Variants in PTPRC observed in about 807,000 individuals in gnomAD.
The protein encoded by PTPRC is receptor-type tyrosine-protein phosphatase C.
PTPRC carries 44 observed loss-of-function variants against 155.9 expected under a neutral mutation model. The ratio of observed to expected loss-of-function variants is 0.28; its 90% CI spans 0.22 to 0.36. The LOEUF (loss-of-function observed/expected upper bound fraction) is 0.36. Among genes scored for constraint, PTPRC ranks in the 10% least tolerant of loss-of-function variants. The pLI is 1.00. For missense variants in PTPRC, 1,401 were observed against 1,564.6 expected (o/e 0.90, Z 1.76); for synonymous variants, 525 against 533.1 (o/e 0.98, Z 0.21).
rs150704742 is a variant in PTPRC at position 198,718,254 on chromosome 1, C to T, written c.1611C>T (p.Cys537=). 5.2e-5 allele frequency: 84 copies of T among 1,613,932 alleles called. No individual in the cohort carries two copies. In the African/African-American group the frequency reaches 9.3e-4, roughly 18 times the overall value. Residue 537 remains cysteine, a synonymous_variant, in exon 14 of 33, where the codon TGC becomes TGT. Coordinates refer to ENST00000442510, the MANE Select transcript of PTPRC (RefSeq NM_002838.5). ...TLVRNESHKN[C]DFRVKDLQYS... ...TTAGAAATGAGTCGCATAAGAATTG[C>T]GATTTCCGTGTAAAAGATCTTCAAT...
In PTPRC at chr1:198,639,130, A is replaced by G; in HGVS notation, c.-51A>G. 1.4e-6 allele frequency: 1 copy of G among 734,860 alleles called. No individual in the cohort carries two copies. The highest frequency in any genetic ancestry group is 2.4e-6 in the Non-Finnish European group (1 of 409,332). The allele number at this position is 734,860 out of a possible 1,614,324, so 45.5% of individuals were successfully genotyped here. A position where few individuals can be genotyped will look rare whatever the true frequency, so the allele number is the denominator to read the frequency against. ...ATTGTTCCTCGTCTGATAAGACAAC[A>G]GTGGAGAGTATGCATTTATTTATTT... On this transcript the variant is annotated 5_prime_UTR_variant, in exon 1 of 33. Coordinates refer to ENST00000442510, the MANE Select transcript of PTPRC (RefSeq NM_002838.5).
chr1:198,714,474 G>C (rs1047708123), intron 12 of PTPRC, among the ~76,000 whole-genome samples: 6 of 152,092 alleles, frequency 3.9e-5, no homozygotes, highest in African/African-American at 1.4e-4. Flanking sequence ...AAATTTAACA[G>C]CTGTCCACAT....
rs568213546 is a variant in PTPRC at position 198,756,286 on chromosome 1, G to C, written c.*105G>C. On this transcript the variant is annotated 3_prime_UTR_variant, in exon 33 of 33. Transcript: ENST00000442510. Reference sequence around the variant, plus strand: ...GTATACAGTGGATTAATTAAATGCAGCGAACCAATATTTGTAGAAGGGTTA... The same window carrying C: ...GTATACAGTGGATTAATTAAATGCACCGAACCAATATTTGTAGAAGGGTTA... 13 of 1,391,350 alleles carry C rather than the reference G, an allele frequency of 9.3e-6. No individual in the cohort carries two copies. The Admixed American group carries it at 1.2e-4, about 13-fold the overall frequency. 86.2% of individuals were successfully genotyped at this position (1,391,350 alleles called of 1,614,324 possible).
intron 27 of PTPRC, among the ~76,000 whole-genome samples, chr1:198,748,409 T>C (rs909715574): frequency 4.0e-5 from 6 of 151,814 alleles, no homozygotes; most frequent in Non-Finnish European, 7.4e-5. Context: ...GAGGGTAGAC[T>C]GTATTCAGTG....
At chr1:198,729,701 C>G (rs1161810110) in intron 17 of PTPRC, among the ~76,000 whole-genome samples, 1 of 152,164 alleles carries the variant, frequency 6.6e-6, no homozygotes, top group Non-Finnish European at 1.5e-5. Context: ...GTGACAGGCA[C>G]AGACTCTGCC....
intron 23 of PTPRC, among the ~76,000 whole-genome samples, chr1:198,741,558 C>T (rs1654901612): frequency 6.6e-6 from 1 of 151,738 alleles, no homozygotes; most frequent in African/African-American, 2.4e-5. Context: ...TGCTTGACAG[C>T]ATGCAAGTTC....
intron 2 of PTPRC, among the ~76,000 whole-genome samples, chr1:198,654,380 T>C (rs528858210): frequency 6.6e-6 from 1 of 152,002 alleles, no homozygotes; most frequent in Non-Finnish European, 1.5e-5. Context: ...GAAACAACAA[T>C]GTGATAGCTA....
intron 2 of PTPRC, among the ~76,000 whole-genome samples, chr1:198,661,403 A>T (rs1021620776): frequency 6.6e-6 from 1 of 151,244 alleles, no homozygotes; most frequent in African/African-American, 2.4e-5. Context: ...AAGATTTAAT[A>T]GGAATAGTGT....
intron 26 of PTPRC, among the ~76,000 whole-genome samples, chr1:198,744,734 T>C (rs1655062310): frequency 6.6e-6 from 1 of 151,882 alleles, no homozygotes; most frequent in Non-Finnish European, 1.5e-5. Context: ...TGCATAGCTG[T>C]CCTCAAATTG....
rs770192374 is a variant in PTPRC at position 198,752,737 on chromosome 1, G to A, written c.3474G>A (p.Lys1158=). ...LPQKNSSEGN[K]HHKSTPLLIH... is the part of the protein sequence containing the mutation. ...AGAAGAATTCCTCTGAAGGGAACAA[G>A]CATCACAAGAGTACACCTCTACTCA... Residue 1158 remains lysine, a synonymous_variant, in exon 31 of 33, where the codon AAG becomes AAA. Coordinates refer to ENST00000442510, the MANE Select transcript of PTPRC (RefSeq NM_002838.5). The A allele has an allele frequency of 6.2e-7, 1 of 1,612,860 alleles. No homozygotes were observed. Among genetic ancestry groups the A allele is most frequent in the South Asian group, 1.1e-5 (1 of 91,054 alleles).
chr1:198,646,546 A>C (rs1041766529), intron 2 of PTPRC, among the ~76,000 whole-genome samples: 9 of 151,852 alleles, frequency 5.9e-5, no homozygotes, highest in Admixed American at 3.3e-4. Context: ...GTCAAACTTA[A>C]ATCGGGCAAT....
At chr1:198,716,900 T>C in intron 13 of PTPRC, 60 bp downstream of exon 13, 1 of 1,492,972 alleles carries the variant, frequency 6.7e-7, no homozygotes, top group Admixed American at 1.7e-5. Flanking sequence ...TATGAACTTT[T>C]TAGCCTACAA....
intron 6 of PTPRC, 111 bp downstream of exon 6, chr1:198,702,641 A>G: frequency 6.9e-7 from 1 of 1,457,104 alleles, no homozygotes; most frequent in Non-Finnish European, 9.6e-7. Flanking sequence ...TAGGTTTCCC[A>G]TTTTACAAAT....
Position 198,699,662 on chromosome 1 carries a change from A to G in PTPRC, c.397A>G (p.Asn133Asp). The part of the protein sequence containing the change: ...DTQTFSGSAA[N>D]AKLNPTPGSN... ...GCAGACATTCAGCGGCTCCGCCGCC[A>G]ATGCAAAACTCAACCCTACCCCAGG... Residue 133 changes from asparagine to aspartate, a missense_variant, in exon 5 of 33, where the codon AAT becomes GAT. Coordinates refer to ENST00000442510, the MANE Select transcript of PTPRC (RefSeq NM_002838.5). 1 of 1,614,210 alleles carries G rather than the reference A, an allele frequency of 6.2e-7. No individual in the cohort carries two copies. Among genetic ancestry groups the G allele is most frequent in the South Asian group, 1.1e-5 (1 of 91,088 alleles).
At chr1:198,650,615 G>A (rs918311419) in intron 2 of PTPRC, among the ~76,000 whole-genome samples, 14 of 151,842 alleles carry the variant, frequency 9.2e-5, no homozygotes, top group Non-Finnish European at 5.9e-5. Context: ...AGGTGGTAGA[G>A]AGGTCAAGAA....
At chr1:198,717,957 A>G (rs1299232526) in intron 13 of PTPRC, 137 bp from the exon 14 acceptor site, 1 of 723,638 alleles carries the variant, frequency 1.4e-6, no homozygotes, top group Non-Finnish European at 2.4e-6. Context: ...TTTTTAATTT[A>G]TGTACTATCA....
At chr1:198,745,588 A>G (rs1217644867) in intron 26 of PTPRC, among the ~76,000 whole-genome samples, 1 of 151,812 alleles carries the variant, frequency 6.6e-6, no homozygotes, top group African/African-American at 2.4e-5. Context: ...GATTGCCAGA[A>G]GTTATCATTT....
At chr1:198,731,824 C>T (rs1002448765) in intron 18 of PTPRC, 98 bp downstream of exon 18, 1 of 931,778 alleles carries the variant, frequency 1.1e-6, no homozygotes, top group African/African-American at 1.6e-5. Flanking sequence ...ATTTATCCCA[C>T]TTGATATTGC....
chr1:198,696,176 A>G (rs1666193100), intron 3 of PTPRC, among the ~76,000 whole-genome samples: 1 of 147,528 alleles, frequency 6.8e-6, no homozygotes, highest in Admixed American at 6.7e-5. Flanking sequence ...AAATATATAT[A>G]TATATATATA....
Sources: allele counts gnomAD v4.1 joint callset (sites outside exome capture counted in the v4.1 genomes callset), GRCh38; gene constraint gnomAD v4.1.1; transcripts MANE v1.5; gene names NCBI Gene and HGNC (gene_info 2026-07-23, HGNC 2026-07-21).